Variants in CEP170 observed in about 807,000 individuals in gnomAD.
CEP170 encodes centrosomal protein 170, also known as centrosomal protein of 170 kDa.
A neutral mutation model predicts 151.9 loss-of-function variants in CEP170; 21 were observed. The ratio of observed to expected loss-of-function variants is 0.14; its 90% CI spans 0.10 to 0.20. CEP170 has a LOEUF of 0.20. CEP170 is among the 10% of genes least tolerant of loss of function. The pLI, the probability that CEP170 is intolerant of heterozygous loss-of-function variation, is 1.00. For synonymous variants in CEP170, 356 were observed against 648.8 expected, an observed-to-expected ratio of 0.55 and a Z score of 6.86; for missense variants, 964 against 1,892.9, an observed-to-expected ratio of 0.51 and a Z score of 9.11.
intron 2 of CEP170, among the ~76,000 whole-genome samples, 157 bp downstream of exon 2, chr1:243,225,019 G>T (rs1356460553): frequency 6.6e-6 from 1 of 152,090 alleles, no homozygotes; most frequent in Non-Finnish European, 1.5e-5. Flanking sequence ...TTTTTTAGAT[G>T]ATTCAAGGGG....
chr1:243,164,837 T>C lies in CEP170; in HGVS notation c.3123A>G (p.Ser1041=), dbSNP rs947502024. Residue 1041 remains serine (S), a synonymous_variant, in exon 13 of 20, where the codon TCA becomes TCG. Coordinates refer to ENST00000366542, the MANE Select transcript of CEP170 (RefSeq NM_014812.3). ...TACAAGAGTAAGTTTCTTGATCAGA[T>C]GACATAATATCAGAGATGGCAGAAT... ...VPHSAISDIM[S]SDQETYSCKP... The C allele has an allele frequency of 6.2e-7, 1 of 1,612,916 alleles. No individual in the cohort carries two copies. Among genetic ancestry groups the C allele is most frequent in the Non-Finnish European group, 8.5e-7 (1 of 1,179,126 alleles).
chr1:243,237,151 A>G (rs994356513), intron 1 of CEP170, among the ~76,000 whole-genome samples: 3 of 152,214 alleles, frequency 2.0e-5, no homozygotes, highest in South Asian at 2.1e-4. Context: ...ACTTTACTGT[A>G]TAACAGTAAG....
intron 10 of CEP170, among the ~76,000 whole-genome samples, chr1:243,178,883 GT>G (rs985307725): frequency 1.3e-5 from 2 of 151,508 alleles, no homozygotes; most frequent in Non-Finnish European, 3.0e-5. Context: ...ATGCCCTGCT[GT>G]TTTTTTTGTA....
In CEP170 at chr1:243,163,970, A is replaced by G. The variant is rs146569733; in HGVS notation, c.3676+314T>C. ...GATACTTCCAGATAATTTAATTTTGACACACACATCCAAATATAGCACCAA... is the reference window on the plus strand; with the variant it reads ...GATACTTCCAGATAATTTAATTTTGGCACACACATCCAAATATAGCACCAA... On this transcript the variant is annotated intron_variant, in intron 13 of 19. Coordinates refer to ENST00000366542, the MANE Select transcript of CEP170 (RefSeq NM_014812.3). Among the ~76,000 whole-genome samples, 486 of 152,278 alleles carry G rather than the reference A, an allele frequency of 3.2e-3. 19 individuals carry two copies. The East Asian group carries it at 0.078, about 24-fold the overall frequency.
intron 17 of CEP170, among the ~76,000 whole-genome samples, chr1:243,133,028 A>G (rs1243557739): frequency 6.6e-6 from 1 of 152,208 alleles, no homozygotes; most frequent in Non-Finnish European, 1.5e-5. Flanking sequence ...AATAAAATCC[A>G]AACTCCTTAA....
At chr1:243,189,353 A>T (rs575100714) in intron 8 of CEP170, among the ~76,000 whole-genome samples, 4 of 151,910 alleles carry the variant, frequency 2.6e-5, no homozygotes, top group African/African-American at 9.7e-5. Context: ...TCAGGAGATC[A>T]AGACCATCCT....
At chr1:243,141,561 A>T (rs774602410) in intron 15 of CEP170, among the ~76,000 whole-genome samples, 18 of 152,228 alleles carry the variant, frequency 1.2e-4, no homozygotes, top group Non-Finnish European at 2.4e-4. Flanking sequence ...ACAGAAGTTC[A>T]TTCTTTTAAA....
chr1:243,221,733 G>A lies in CEP170; in HGVS notation c.186C>T (p.Ser62=). ...TDEHLVKDLG[S]LNGTFVNDVR... is the part of the protein sequence containing the mutation. ...TAAACCATTGACTTACCCCATTGAG[G>A]CTGCCCAAATCCTTCACTAAATGCT... Residue 62 remains serine (S), a synonymous_variant, in exon 3 of 20, where the codon AGC becomes AGT. Transcript: ENST00000366542. 1 of 1,611,286 alleles carries A rather than the reference G, an allele frequency of 6.2e-7. No homozygotes were observed. The highest frequency in any genetic ancestry group is 1.1e-5 in the South Asian group (1 of 90,468).
At chr1:243,231,205 TATC>T (rs953421002) in intron 1 of CEP170, among the ~76,000 whole-genome samples, 5 of 142,142 alleles carry the variant, frequency 3.5e-5, no homozygotes, top group African/African-American at 5.0e-5. Context: ...TTATTATTAT[TATC>T]ATCATTATTA....
intron 4 of CEP170, among the ~76,000 whole-genome samples, chr1:243,202,026 T>C (rs1452572132): frequency 1.3e-5 from 2 of 152,148 alleles, no homozygotes; most frequent in Non-Finnish European, 1.5e-5. Context: ...AATGTCTAAA[T>C]TGCAAACATA....
chr1:243,203,147 C>T (rs2061171282), intron 4 of CEP170, among the ~76,000 whole-genome samples: 1 of 152,168 alleles, frequency 6.6e-6, no homozygotes, highest in African/African-American at 2.4e-5. Context: ...CTAGCCCCAG[C>T]TTTTCCCTCC....
At chr1:243,174,426 G>A (rs2059085971) in intron 10 of CEP170, among the ~76,000 whole-genome samples, 1 of 151,452 alleles carries the variant, frequency 6.6e-6, no homozygotes, top group Admixed American at 6.6e-5. Context: ...ATAAGGAGAA[G>A]CTACCTCAGG....
At chr1:243,131,696 T>C (rs1329441048) in intron 17 of CEP170, among the ~76,000 whole-genome samples, 1 of 152,086 alleles carries the variant, frequency 6.6e-6, no homozygotes, top group Non-Finnish European at 1.5e-5. Context: ...GAACTTGTTT[T>C]TGTTTGAAGG....
chr1:243,254,626 C>A (rs939852581), intron 1 of CEP170, among the ~76,000 whole-genome samples: 1 of 152,234 alleles, frequency 6.6e-6, no homozygotes, highest in African/African-American at 2.4e-5. Flanking sequence ...CGCAGCCATT[C>A]CCTCCAATGC....
At chr1:243,142,729 C>T (rs751317583) in intron 14 of CEP170, among the ~76,000 whole-genome samples, 1 of 152,180 alleles carries the variant, frequency 6.6e-6, no homozygotes. Flanking sequence ...TTAACACACA[C>T]TGTGTTAATG....
chr1:243,161,942 C>G (rs1204348360), intron 13 of CEP170, among the ~76,000 whole-genome samples: 3 of 152,158 alleles, frequency 2.0e-5, no homozygotes, highest in Non-Finnish European at 2.9e-5. Context: ...TGTTTGACCA[C>G]CTTTTCCATA....
chr1:243,143,724 A>G lies in CEP170; in HGVS notation c.3912-1261T>C, dbSNP rs867246326. ...CAAAATCCAAAGGAAATACAAAGTAACTTAAAAAGAAAAAAAAAAAAAAGA... is the reference window on the plus strand; with the variant it reads ...CAAAATCCAAAGGAAATACAAAGTAGCTTAAAAAGAAAAAAAAAAAAAAGA... On this transcript the variant is annotated intron_variant, in intron 14 of 19. Coordinates refer to ENST00000366542, the MANE Select transcript of CEP170 (RefSeq NM_014812.3). 2.0e-5 allele frequency among the ~76,000 whole-genome samples: 3 copies of G among 151,418 alleles called. No homozygotes were observed. In the Middle Eastern group the frequency reaches 0.01, roughly 515 times the overall value.
At chr1:243,154,342 AT>A (rs1467943381) in intron 14 of CEP170, among the ~76,000 whole-genome samples, 1 of 152,268 alleles carries the variant, frequency 6.6e-6, no homozygotes, top group Non-Finnish European at 1.5e-5. Flanking sequence ...AAATAAAATT[AT>A]TTCTCATATT....
At chr1:243,151,075 T>A (rs1196053852) in intron 14 of CEP170, among the ~76,000 whole-genome samples, 1 of 152,218 alleles carries the variant, frequency 6.6e-6, no homozygotes, top group African/African-American at 2.4e-5. Flanking sequence ...TGATACCATC[T>A]ACTACAATAG....
Sources: gnomAD v4.1 joint callset for allele counts (sites outside exome capture counted in the v4.1 genomes callset) on GRCh38, gnomAD v4.1.1 for gene constraint, MANE v1.5 for transcripts, NCBI Gene and HGNC (gene_info 2026-07-23, HGNC 2026-07-21) for gene names.